TCF12: variants seen among roughly 807,000 people sequenced by gnomAD.
The protein encoded by TCF12 is DNA-binding protein HTF4.
In TCF12, 45 loss-of-function variants were observed where a neutral mutation model predicts 86.0. The observed-to-expected ratio is 0.52, with a 90% CI of 0.41 to 0.67. The LOEUF (loss-of-function observed/expected upper bound fraction) is 0.67, where lower values mean the gene tolerates loss of function less well. Ranked by LOEUF, TCF12 falls within the 30% of genes least tolerant of loss-of-function variation. TCF12 has a pLI of 0.00. For missense variants in TCF12, 881 were observed against 859.9 expected, an observed-to-expected ratio of 1.02 and a Z score of -0.31; for synonymous variants, 330 against 299.6, an observed-to-expected ratio of 1.10 and a Z score of -1.05.
chr15:57,067,034 C>T (rs2068939501), intron 4 of TCF12, among the ~76,000 whole-genome samples: 1 of 152,176 alleles, frequency 6.6e-6, no homozygotes, highest in Non-Finnish European at 1.5e-5. Flanking sequence ...CTTCTTATCT[C>T]TGTGTTAGGC....
chr15:57,219,167 G>GTGTATATA (rs1257754523), intron 8 of TCF12: 1 of 1,071,744 alleles, frequency 9.3e-7, no homozygotes, highest in African/African-American at 1.6e-5. Context: ...CCTTTTGTGT[G>GTGTATATA]TGTATATATG....
At chr15:57,170,737 A>ATTAT (rs1567559372) in intron 6 of TCF12, among the ~76,000 whole-genome samples, 12 of 24,840 alleles carry the variant, frequency 4.8e-4, no homozygotes, top group African/African-American at 1.2e-3. Context: ...TATTATATAT[A>ATTAT]ATATATATTA....
At chr15:57,032,271 A>G (rs1947481677) in intron 3 of TCF12, among the ~76,000 whole-genome samples, 1 of 152,222 alleles carries the variant, frequency 6.6e-6, no homozygotes, top group Non-Finnish European at 1.5e-5. Context: ...AATAATCCAA[A>G]TAGTGCTGCA....
intron 7 of TCF12, 136 bp downstream of exon 7, chr15:57,192,429 C>T: frequency 8.1e-7 from 1 of 1,239,906 alleles, no homozygotes; most frequent in Non-Finnish European, 1.1e-6. Flanking sequence ...CACTCTGTTA[C>T]CCATGCAGGA....
chr15:57,054,060 GC>G, intron 3 of TCF12, among the ~76,000 whole-genome samples: 1 of 152,120 alleles, frequency 6.6e-6, no homozygotes, highest in African/African-American at 2.4e-5. Context: ...GAATTGAGTG[GC>G]AGTTTTGTAC....
rs144564522 is a variant in TCF12, at chr15:57,265,936, A to G, written c.1745+2662A>G. ...GCTCCAGTATAATAAGACCACTGTC[A>G]TGTATGTAGTCCCTCATTGACTGAA... On this transcript the variant is annotated intron_variant, in intron 18 of 20. Transcript: ENST00000333725. Among the ~76,000 whole-genome samples, 1,169 of 152,282 alleles carry G rather than the reference A, an allele frequency of 7.7e-3. 8 individuals carry two copies. Among genetic ancestry groups the G allele is most frequent in the Middle Eastern group, 0.027 (8 of 294 alleles).
At chr15:57,263,590 CAT>C (rs1440422820) in intron 18 of TCF12, among the ~76,000 whole-genome samples, 1 of 152,028 alleles carries the variant, frequency 6.6e-6, no homozygotes, top group Non-Finnish European at 1.5e-5. Flanking sequence ...GAAGTTAAAT[CAT>C]GTGGTACGGA....
chr15:56,959,339 A>G (rs41472450), intron 3 of TCF12, among the ~76,000 whole-genome samples: 6,324 of 152,262 alleles, frequency 0.042, 371 homozygotes, highest in African/African-American at 0.13. Context: ...ACAGTAGGAT[A>G]TATCTGCATC....
chr15:57,209,684 G>T (rs1051220093), intron 8 of TCF12, among the ~76,000 whole-genome samples: 9 of 152,042 alleles, frequency 5.9e-5, no homozygotes, highest in African/African-American at 1.9e-4. Flanking sequence ...TTAGACACAG[G>T]AACATCCTTT....
chr15:57,233,795 T>C (rs898596786), intron 11 of TCF12, among the ~76,000 whole-genome samples: 12 of 152,182 alleles, frequency 7.9e-5, no homozygotes, highest in African/African-American at 2.9e-4. Context: ...TCTTTCGATA[T>C]ATTTTTTAGT....
At chr15:57,176,861 G>A (rs2055950567) in intron 6 of TCF12, among the ~76,000 whole-genome samples, 1 of 152,232 alleles carries the variant, frequency 6.6e-6, no homozygotes, top group South Asian at 2.1e-4. Flanking sequence ...ATGTCAAAGA[G>A]TTGAATATTG....
At chr15:57,096,486 G>A (rs1167010905) in intron 5 of TCF12, among the ~76,000 whole-genome samples, 1 of 152,048 alleles carries the variant, frequency 6.6e-6, no homozygotes, top group Admixed American at 6.6e-5. Context: ...TAGTATCTGT[G>A]AGGGATTGGG....
chr15:57,143,513 A>T (rs904533401), intron 5 of TCF12, among the ~76,000 whole-genome samples: 1 of 152,206 alleles, frequency 6.6e-6, no homozygotes. Flanking sequence ...TGAATGTGGA[A>T]ATCTCAATGT....
chr15:57,276,914 C>G (rs1342774065), intron 19 of TCF12, among the ~76,000 whole-genome samples: 2 of 150,980 alleles, frequency 1.3e-5, no homozygotes, highest in African/African-American at 4.9e-5. Context: ...AAGCGATTCT[C>G]CTGCCTCTGC....
intron 8 of TCF12, among the ~76,000 whole-genome samples, chr15:57,230,301 C>T (rs531197582): frequency 8.5e-5 from 13 of 152,074 alleles, no homozygotes; most frequent in African/African-American, 2.4e-4. Context: ...GCTTACCTTT[C>T]TCTTCTTCCT....
chr15:57,253,291 A>C lies in TCF12; in HGVS notation c.1290A>C (p.Arg430Ser). 6.2e-7 allele frequency: 1 copy of C among 1,614,002 alleles called. No homozygotes were observed. The highest frequency in any genetic ancestry group is 8.5e-7 in the Non-Finnish European group (1 of 1,179,938). The change falls in exon 16 of 21, where the codon AGA becomes AGC. Residue 430 changes from arginine to serine, a missense_variant. Coordinates refer to ENST00000333725, the MANE Select transcript of TCF12 (RefSeq NM_207037.2). ...EQSRMEDRLDRLDDAIHVLRN... is the reference protein window; with the variant it reads ...EQSRMEDRLDSLDDAIHVLRN... ...CTCGAATGGAGGATCGTTTAGACAG[A>C]CTGGATGATGCAATCCATGTGCTGC...
chr15:57,030,415 CTTTA>C (rs1410949599), intron 3 of TCF12, among the ~76,000 whole-genome samples: 3 of 152,106 alleles, frequency 2.0e-5, no homozygotes, highest in Admixed American at 6.6e-5. Flanking sequence ...ACCTGGCTAA[CTTTA>C]TTTATTTTTT....
At chr15:56,921,192 T>C in intron 3 of TCF12, 94 bp downstream of exon 3, 1 of 806,364 alleles carries the variant, frequency 1.2e-6, no homozygotes, top group East Asian at 3.3e-5. Context: ...TATTATTGAA[T>C]ATATGTATAT....
intron 5 of TCF12, among the ~76,000 whole-genome samples, chr15:57,110,425 C>T (rs2050407926): frequency 2.0e-5 from 3 of 152,114 alleles, no homozygotes; most frequent in Admixed American, 1.3e-4. Context: ...TAGGTTCTGA[C>T]CTAATGTGTA....
Sources: allele counts gnomAD v4.1 joint callset (sites outside exome capture counted in the v4.1 genomes callset), GRCh38; gene constraint gnomAD v4.1.1; transcripts MANE v1.5; gene names NCBI Gene and HGNC (gene_info 2026-07-23, HGNC 2026-07-21).